ELMO1: variants seen among roughly 807,000 people sequenced by gnomAD.
The protein encoded by ELMO1 is engulfment and cell motility 1.
In ELMO1, 26 loss-of-function variants were observed where a neutral mutation model predicts 98.9. The observed-to-expected ratio is 0.26, with a 90% CI of 0.19 to 0.36. The LOEUF (loss-of-function observed/expected upper bound fraction) is 0.36. Ranked by LOEUF, ELMO1 falls within the 10% of genes least tolerant of loss-of-function variation. The probability of loss-of-function intolerance (pLI) is 1.00; values close to 1 mark genes in which losing one functional copy is unlikely to be tolerated. For synonymous variants in ELMO1, 346 were observed against 346.0 expected, an observed-to-expected ratio of 1.00 and a Z score of 0.00; for missense variants, 627 against 935.2, an observed-to-expected ratio of 0.67 and a Z score of 4.30.
chr7:37,230,007 C>T (rs1156464314), intron 8 of ELMO1, among the ~76,000 whole-genome samples: 1 of 152,124 alleles, frequency 6.6e-6, no homozygotes, highest in Non-Finnish European at 1.5e-5. Flanking sequence ...TAAAGAAACA[C>T]AGCTTTCTAA....
intron 1 of ELMO1, among the ~76,000 whole-genome samples, chr7:37,394,209 A>G (rs959541394): frequency 6.6e-5 from 10 of 152,224 alleles, no homozygotes; most frequent in African/African-American, 1.9e-4. Context: ...AGAAAGCTAC[A>G]GGACAGCAGT....
chr7:37,257,936 C>T (rs185528797), intron 6 of ELMO1, among the ~76,000 whole-genome samples: 1 of 151,870 alleles, frequency 6.6e-6, no homozygotes, highest in Admixed American at 6.6e-5. Flanking sequence ...GAGTTCGAGA[C>T]CAGCCTGGCC....
At chr7:37,079,790 CTCTTCTCCCCAGCCTCT>C (rs1488153076) in intron 15 of ELMO1, among the ~76,000 whole-genome samples, 1 of 152,194 alleles carries the variant, frequency 6.6e-6, no homozygotes, top group African/African-American at 2.4e-5. Flanking sequence ...CCCCAGCCTC[CTCTTCTCCCCAGCCTCT>C]AAATCTTGGG....
chr7:37,428,323 G>C (rs1237133545), intron 1 of ELMO1, among the ~76,000 whole-genome samples: 2 of 152,040 alleles, frequency 1.3e-5, no homozygotes. Flanking sequence ...TATTAAAGTA[G>C]TATGAATACA....
chr7:36,953,107 A>G (rs1403258220), intron 16 of ELMO1, among the ~76,000 whole-genome samples: 1 of 151,566 alleles, frequency 6.6e-6, no homozygotes, highest in Admixed American at 6.6e-5. Context: ...CTGGGACTAC[A>G]GGCACCCGCC....
At chr7:37,056,565 C>G (rs1019963670) in intron 15 of ELMO1, among the ~76,000 whole-genome samples, 1 of 152,234 alleles carries the variant, frequency 6.6e-6, no homozygotes, top group African/African-American at 2.4e-5. Flanking sequence ...ATTAAAGAAG[C>G]ATAGTCTTCC....
At chr7:37,225,488 A>G (rs1235408185) in intron 8 of ELMO1, among the ~76,000 whole-genome samples, 1 of 152,138 alleles carries the variant, frequency 6.6e-6, no homozygotes, top group Non-Finnish European at 1.5e-5. Context: ...TTCTTGTTGC[A>G]TTCTTAAGGG....
chr7:37,301,024 C>A (rs2131020710), intron 4 of ELMO1, among the ~76,000 whole-genome samples: 2 of 151,910 alleles, frequency 1.3e-5, no homozygotes, highest in Admixed American at 1.3e-4. Context: ...GGAATTTATC[C>A]ATTTCTTCTA....
At chr7:37,049,286 A>G (rs1300769165) in intron 15 of ELMO1, among the ~76,000 whole-genome samples, 6 of 152,122 alleles carry the variant, frequency 3.9e-5, no homozygotes, top group African/African-American at 1.2e-4. Flanking sequence ...CCCTTTCCCC[A>G]AAGGGCCCCT....
intron 11 of ELMO1, among the ~76,000 whole-genome samples, chr7:37,214,749 G>A (rs542261217): frequency 1.3e-5 from 2 of 152,198 alleles, no homozygotes; most frequent in African/African-American, 2.4e-5. Context: ...CACACACTTA[G>A]TATCCAAAGC....
intron 10 of ELMO1, among the ~76,000 whole-genome samples, chr7:37,221,370 T>C (rs1793584787): frequency 6.6e-6 from 1 of 152,214 alleles, no homozygotes; most frequent in Non-Finnish European, 1.5e-5. Flanking sequence ...CAGGTTCGCT[T>C]TCTAATTTCT....
chr7:37,134,695 T>TG (rs151036180), intron 13 of ELMO1, among the ~76,000 whole-genome samples: 3,498 of 151,918 alleles, frequency 0.023, 140 homozygotes, highest in African/African-American at 0.081. Flanking sequence ...ATAAAGAAAA[T>TG]GTAGTACATA....
chr7:37,359,063 G>A (rs1801600282), intron 1 of ELMO1, among the ~76,000 whole-genome samples: 1 of 152,186 alleles, frequency 6.6e-6, no homozygotes, highest in Non-Finnish European at 1.5e-5. Context: ...TACTGAGATA[G>A]GACTACTCCA....
At chr7:37,077,366 C>T (rs779145016) in intron 15 of ELMO1, among the ~76,000 whole-genome samples, 30 of 152,106 alleles carry the variant, frequency 2.0e-4, no homozygotes, top group Non-Finnish European at 4.3e-4. Flanking sequence ...AATGAGGACC[C>T]AGTGTGGGCC....
At chr7:37,397,815 C>T (rs966135653) in intron 1 of ELMO1, among the ~76,000 whole-genome samples, 3 of 152,182 alleles carry the variant, frequency 2.0e-5, no homozygotes, top group African/African-American at 7.2e-5. Context: ...GAATACTATG[C>T]AGCCGTAAGA....
At chr7:37,297,219 T>C (rs1169998086) in intron 4 of ELMO1, among the ~76,000 whole-genome samples, 6 of 152,232 alleles carry the variant, frequency 3.9e-5, no homozygotes, top group Non-Finnish European at 7.3e-5. Flanking sequence ...GATTGTTTTA[T>C]TCATGTTTAA....
intron 16 of ELMO1, among the ~76,000 whole-genome samples, chr7:36,919,642 G>C (rs150234034): frequency 5.9e-5 from 9 of 152,160 alleles, no homozygotes; most frequent in African/African-American, 2.2e-4. Flanking sequence ...GCCAATCAAA[G>C]TGTGTTGCTG....
intron 20 of ELMO1, among the ~76,000 whole-genome samples, chr7:36,866,727 A>G (rs1803059220): frequency 6.6e-6 from 1 of 152,190 alleles, no homozygotes; most frequent in African/African-American, 2.4e-5. Context: ...CACAGCTGGA[A>G]AAACTGTCCA....
At chr7:36,919,758 G>C (rs1784996331) in intron 16 of ELMO1, among the ~76,000 whole-genome samples, 1 of 152,112 alleles carries the variant, frequency 6.6e-6, no homozygotes, top group Non-Finnish European at 1.5e-5. Context: ...TCACGGGGAA[G>C]AGTTTCTGCA....
Sources: gnomAD v4.1 joint callset for allele counts (sites outside exome capture counted in the v4.1 genomes callset) on GRCh38, gnomAD v4.1.1 for gene constraint, MANE v1.5 for transcripts, NCBI Gene and HGNC (gene_info 2026-07-23, HGNC 2026-07-21) for gene names.